KCNQ1: variants seen among roughly 807,000 people sequenced by gnomAD.
KCNQ1 encodes the protein potassium voltage-gated channel subfamily KQT member 1.
KCNQ1 carries 49 observed loss-of-function variants against 72.4 expected under a neutral mutation model. The observed-to-expected ratio is 0.68, with a 90% confidence interval of 0.54 to 0.86. KCNQ1 has a LOEUF of 0.86. Among genes scored for constraint, KCNQ1 ranks in the 40% least tolerant of loss-of-function variants. The pLI is 0.00. For missense variants in KCNQ1, 790 were observed against 945.1 expected, an observed-to-expected ratio of 0.84 and a Z score of 2.15; for synonymous variants, 450 against 412.6, an observed-to-expected ratio of 1.09 and a Z score of -1.10.
chr11:2,553,652 G>T (rs1023640015), intron 2 of KCNQ1, among the ~76,000 whole-genome samples: 3 of 151,832 alleles, frequency 2.0e-5, no homozygotes, highest in Non-Finnish European at 4.4e-5. Context: ...TGGTCATGAT[G>T]AATTTTTATT....
rs552608899 is a variant in KCNQ1, at chr11:2,618,305, G to A, written c.1393+29451G>A. 1.8e-5 allele frequency: 7 copies of A among 398,334 alleles called. No individual in the cohort carries two copies. The East Asian group carries it at 2.1e-4, about 12-fold the overall frequency. 24.7% of individuals were successfully genotyped at this position (398,334 alleles called of 1,614,324 possible). ...ACACTAACAATAACAACAGCTGATG[G>A]GCTAAAAAAATGCAAAAAAATTCAA... On this transcript the variant is annotated intron_variant, in intron 10 of 15. Transcript: ENST00000155840.
chr11:2,539,807 A>T (rs1011996944), intron 2 of KCNQ1, among the ~76,000 whole-genome samples: 1 of 151,926 alleles, frequency 6.6e-6, no homozygotes, highest in Non-Finnish European at 1.5e-5. Context: ...TGTTTCCTTT[A>T]TGTTCTGCCT....
chr11:2,616,482 T>C (rs1230130240), intron 10 of KCNQ1: 11 of 397,806 alleles, frequency 2.8e-5, no homozygotes. Flanking sequence ...AGGTATAATA[T>C]TAGGTTATGG....
rs777833676 is a variant in KCNQ1, at chr11:2,562,977, C to A, written c.478-7651C>A. 6.6e-6 allele frequency among the ~76,000 whole-genome samples: 1 copy of A among 152,126 alleles called. No individual in the cohort carries two copies. The highest frequency in any genetic ancestry group is 2.4e-5 in the African/African-American group (1 of 41,416). On this transcript the variant is annotated intron_variant, in intron 2 of 15. Transcript: ENST00000155840. This position sits in a 1 kb window ranked among gnomAD's most constrained non-coding sequence, Gnocchi z 7.5. ...AATATCAGAGACACTAAAGTCCTCG[C>A]GATAAGGGTCTGCGAGGCTTCCTTT...
intron 10 of KCNQ1, chr11:2,646,089 G>T: frequency 7.5e-6 from 3 of 398,620 alleles, no homozygotes; most frequent in Non-Finnish European, 1.3e-5. Flanking sequence ...CAGACTGCCT[G>T]ACTCCCCTCT....
At chr11:2,700,924 A>G (rs970713204) in intron 11 of KCNQ1, among the ~76,000 whole-genome samples, 1 of 152,242 alleles carries the variant, frequency 6.6e-6, no homozygotes, top group Non-Finnish European at 1.5e-5. Flanking sequence ...AGCCCCCTCT[A>G]GAAGTTCACA....
chr11:2,641,309 A>T (rs955098763), intron 10 of KCNQ1: 4 of 398,258 alleles, frequency 1.0e-5, no homozygotes, highest in Admixed American at 8.8e-5. Context: ...CATCCTCTCC[A>T]GCATTGGTTA....
intron 1 of KCNQ1, among the ~76,000 whole-genome samples, chr11:2,500,069 G>T (rs7120338): frequency 0.55 from 82,871 of 151,884 alleles, 23,668 homozygotes; most frequent in Non-Finnish European, 0.64. Context: ...GCTCCTGAAT[G>T]ACCAGAGGGT....
intron 15 of KCNQ1, among the ~76,000 whole-genome samples, chr11:2,845,915 C>T (rs547972260): frequency 1.3e-5 from 2 of 152,320 alleles, no homozygotes; most frequent in Admixed American, 1.3e-4. Context: ...GCTCAGCCTC[C>T]GTGGTAGGTG....
chr11:2,577,717 C>A (rs181357668), intron 6 of KCNQ1, among the ~76,000 whole-genome samples: 7 of 152,310 alleles, frequency 4.6e-5, no homozygotes, highest in Admixed American at 4.6e-4. Context: ...GTGGCGTCAG[C>A]CCCTTTATGG....
At chr11:2,610,739 T>G (rs1382501022) in intron 10 of KCNQ1, 12 of 379,786 alleles carry the variant, frequency 3.2e-5, no homozygotes, top group Non-Finnish European at 5.0e-5. Flanking sequence ...TTTTTTTTTT[T>G]TTTTTTACTT....
In KCNQ1 at chr11:2,848,910, G is replaced by T; in HGVS notation, c.*907G>T. 2.2e-6 allele frequency: 1 copy of T among 454,152 alleles called. No individual in the cohort carries two copies. The allele number at this position is 454,152 out of a possible 1,614,324, so 28.1% of individuals were successfully genotyped here. On this transcript the variant is annotated 3_prime_UTR_variant, in exon 16 of 16. Transcript: ENST00000155840. Reference sequence around the variant, plus strand: ...AGAAATCAATAATTTGTGGTGATTTGGATCTGTGTTTTAATGAGTTTCACA... The same window carrying T: ...AGAAATCAATAATTTGTGGTGATTTTGATCTGTGTTTTAATGAGTTTCACA...
Position 2,492,296 on chromosome 11 carries a change from A to G in KCNQ1, c.387-35632A>G, listed in dbSNP as rs1231875254. Among the ~76,000 whole-genome samples the G allele has an allele frequency of 6.6e-6, 1 of 152,244 alleles. No homozygotes were observed. Among genetic ancestry groups the G allele is most frequent in the Non-Finnish European group, 1.5e-5 (1 of 68,038 alleles). ...TTGCGGTACAATAGGCAGTACAATA[A>G]GATATAGAGACAAAAAAACTTAAAA... On this transcript the variant is annotated intron_variant, in intron 1 of 15. Transcript: ENST00000155840. This position sits in a 1 kb window ranked among gnomAD's most constrained non-coding sequence, Gnocchi z 4.1.
At chr11:2,485,392 G>A (rs1028974008) in intron 1 of KCNQ1, among the ~76,000 whole-genome samples, 2 of 111,858 alleles carry the variant, frequency 1.8e-5, no homozygotes, top group African/African-American at 6.9e-5. Context: ...GACAAAACCA[G>A]CTCTTCAGCC....
rs370302129 is a variant in KCNQ1 at position 2,823,846 on chromosome 11, G to A, written c.1795-23921G>A. On this transcript the variant is annotated intron_variant, in intron 15 of 15. Coordinates refer to ENST00000155840, the MANE Select transcript of KCNQ1 (RefSeq NM_000218.3). ...TCAAAACAATGGGGAAGCTGTGCTG[G>A]ACAGTTAGAGGGTGGACAAAGCCGA... Among the ~76,000 whole-genome samples, 4 of 152,222 alleles carry A rather than the reference G, an allele frequency of 2.6e-5. No individual in the cohort carries two copies. In the East Asian group the frequency reaches 5.8e-4, roughly 22 times the overall value.
intron 1 of KCNQ1, among the ~76,000 whole-genome samples, chr11:2,456,490 G>A (rs1354030803): frequency 6.6e-6 from 1 of 152,088 alleles, no homozygotes; most frequent in African/African-American, 2.4e-5. Context: ...TGCACAGCAA[G>A]AGAGACTGCC....
chr11:2,699,786 G>A lies in KCNQ1; in HGVS notation c.1514+37705G>A, dbSNP rs368676505. On this transcript the variant is annotated intron_variant, in intron 11 of 15. Transcript: ENST00000155840. The stretch of plus-strand genomic sequence containing the variant: ...GCGCTGAGGAGCCCCGAGGAGAACC[G>A]CGCCGAGGGGCGCGCCGGGGAGAAC... The A allele has an allele frequency of 8.3e-4, 329 of 396,964 alleles. 3 individuals are homozygous for A. Among genetic ancestry groups the A allele is most frequent in the African/African-American group, 1.2e-3 (60 of 48,258 alleles). The allele number at this position is 396,964 out of a possible 1,614,324, so 24.6% of individuals were successfully genotyped here.
At chr11:2,655,519 C>T (rs1849830222) in intron 10 of KCNQ1, 1 of 398,732 alleles carries the variant, frequency 2.5e-6, no homozygotes, top group Non-Finnish European at 4.4e-6. Context: ...TTCAAGTACA[C>T]CATGGGCTCA....
intron 11 of KCNQ1, chr11:2,667,094 T>G: frequency 7.5e-6 from 3 of 398,594 alleles, no homozygotes; most frequent in Non-Finnish European, 1.3e-5. Flanking sequence ...TTCTTCTAAT[T>G]AAATTAAAAC....
Sources: allele counts gnomAD v4.1 joint callset (sites outside exome capture counted in the v4.1 genomes callset), GRCh38; gene constraint gnomAD v4.1.1; non-coding constraint Gnocchi (gnomAD v3.1); transcripts MANE v1.5; gene names NCBI Gene and HGNC (gene_info 2026-07-23, HGNC 2026-07-21).